The following RAB11FIP2 variants were observed in gnomAD, a reference collection of about 807,000 sequenced individuals.
RAB11FIP2 encodes the protein RAB11 family interacting protein 2.
Under a neutral mutation model 40.9 loss-of-function variants are expected in RAB11FIP2, and 16 were observed. The ratio of observed to expected loss-of-function variants is 0.39; its 90% CI spans 0.26 to 0.59. RAB11FIP2 has a LOEUF of 0.59. RAB11FIP2 is among the 20% of genes least tolerant of loss of function. The pLI, the probability that RAB11FIP2 is intolerant of heterozygous loss-of-function variation, is 0.53. For synonymous variants in RAB11FIP2, 228 were observed against 213.7 expected (o/e 1.07, Z -0.58); for missense variants, 532 against 606.2 (o/e 0.88, Z 1.28).
Position 118,008,962 on chromosome 10 carries a change from C to A in RAB11FIP2, c.*36G>T, listed in dbSNP as rs1285781196. Reference sequence around the variant, plus strand: ...CTTCCTTCCTTCTTTCTTTCTCTCTCTTTGTCCAATTATCAATACAATACA... The same window carrying A: ...CTTCCTTCCTTCTTTCTTTCTCTCTATTTGTCCAATTATCAATACAATACA... On this transcript the variant is annotated 3_prime_UTR_variant, in exon 5 of 5. Coordinates refer to ENST00000355624, the MANE Select transcript of RAB11FIP2 (RefSeq NM_014904.3). 2.6e-6 allele frequency: 4 copies of A among 1,512,706 alleles called. No individual in the cohort carries two copies. Among genetic ancestry groups the A allele is most frequent in the Non-Finnish European group, 3.7e-6 (4 of 1,092,454 alleles). The allele number at this position is 1,512,706 out of a possible 1,614,324, so 93.7% of individuals were successfully genotyped here. A position where few individuals can be genotyped will look rare whatever the true frequency, so the allele number is the denominator to read the frequency against.
chr10:118,033,057 T>C (rs1452967451), intron 3 of RAB11FIP2, among the ~76,000 whole-genome samples: 3 of 152,052 alleles, frequency 2.0e-5, no homozygotes, highest in African/African-American at 4.8e-5. Flanking sequence ...TTAAACTTTA[T>C]CATAGGTATA....
At chr10:118,039,673 A>T in intron 2 of RAB11FIP2, 1 of 487,966 alleles carries the variant, frequency 2.0e-6, no homozygotes, top group Admixed American at 3.8e-5. Context: ...TTCAGCTCAC[A>T]ATCATATAAA....
intron 1 of RAB11FIP2, 63 bp downstream of exon 1, chr10:118,045,748 G>A: frequency 7.4e-7 from 1 of 1,345,412 alleles, no homozygotes; most frequent in Admixed American, 2.4e-5. Flanking sequence ...TAATTTCCAA[G>A]AACAGAAAAA....
Position 118,040,575 on chromosome 10 carries a change from A to G in RAB11FIP2, c.354-10T>C, listed in dbSNP as rs576241570. The stretch of plus-strand genomic sequence containing the variant: ...TTCTAATCTAAACCACCTTAAAGAG[A>G]AGAAAAAAAAATTGGCTGTAACACA... On this transcript the variant is annotated splice_polypyrimidine_tract_variant and intron_variant, in intron 1 of 4. Coordinates refer to ENST00000355624, the MANE Select transcript of RAB11FIP2 (RefSeq NM_014904.3). 1.9e-6 allele frequency: 3 copies of G among 1,556,260 alleles called. No homozygotes were observed. The Admixed American group carries it at 6.0e-5, about 31-fold the overall frequency.
chr10:118,016,467 C>T (rs1422857275), intron 3 of RAB11FIP2, among the ~76,000 whole-genome samples: 1 of 152,122 alleles, frequency 6.6e-6, no homozygotes, highest in Admixed American at 6.5e-5. Context: ...ATCCAAAAAG[C>T]ATTCTCACAT....
rs2133181875 is a variant in RAB11FIP2 at position 118,039,308 on chromosome 10, G to A, written c.929C>T (p.Ser310Leu). Reference protein sequence around the residue: ...QNDPFTNVTASLPQKFATLPR... With the variant: ...QNDPFTNVTALLPQKFATLPR... ...CAGTGTTGCAAATTTTTGGGGTAAT[G>A]AAGCAGTCACATTTGTAAATGGGTC... The change falls in exon 3 of 5, where the codon TCA becomes TTA. Residue 310 changes from serine to leucine, a missense_variant. Physicochemically the swap from Ser to Leu is moderately radical, Grantham distance 145. Coordinates refer to ENST00000355624, the MANE Select transcript of RAB11FIP2 (RefSeq NM_014904.3). 6.2e-7 allele frequency: 1 copy of A among 1,613,694 alleles called. No homozygotes were observed. The highest frequency in any genetic ancestry group is 2.2e-5 in the East Asian group (1 of 44,864).
chr10:118,038,619 T>C (rs1193237036), intron 3 of RAB11FIP2, among the ~76,000 whole-genome samples: 1 of 152,064 alleles, frequency 6.6e-6, no homozygotes, highest in Non-Finnish European at 1.5e-5. Flanking sequence ...AACGAATCCC[T>C]AGAAACATTA....
rs1846257637 is a variant in RAB11FIP2, at chr10:118,019,424, T to C, written c.1266-4314A>G. On this transcript the variant is annotated intron_variant, in intron 3 of 4. Transcript: ENST00000355624. ...TCTCAAACGCCAGTCAACTCCTTAT[T>C]GTGTATGGCAAATAAGTATAACTTC... Among the ~76,000 whole-genome samples, 3 of 152,112 alleles carry C rather than the reference T, an allele frequency of 2.0e-5. No individual in the cohort carries two copies. The South Asian group carries it at 6.2e-4, about 31-fold the overall frequency.
intron 3 of RAB11FIP2, among the ~76,000 whole-genome samples, chr10:118,029,923 G>T (rs867168658): frequency 2.0e-5 from 3 of 152,270 alleles, no homozygotes; most frequent in Middle Eastern, 6.8e-3. Context: ...ATAGGGGCAT[G>T]ACTGGAGGAA....
At chr10:118,015,631 C>T (rs150875998) in intron 3 of RAB11FIP2, among the ~76,000 whole-genome samples, 28 of 152,268 alleles carry the variant, frequency 1.8e-4, no homozygotes, top group South Asian at 6.2e-4. Context: ...ACATTTCTCT[C>T]GTTAATGTGA....
At position 118,009,245 on chromosome 10, in the gene RAB11FIP2, GT is replaced by G. The variant is rs1489226333; in HGVS notation, c.1312-21del. ...GCTGTCCTAGAACAGGATAAAGACT[GT>G]CACTTTCATAGATATAACATCTGGG... On this transcript the variant is annotated intron_variant, in intron 4 of 4. Transcript: ENST00000355624. The G allele has an allele frequency of 6.4e-7, 1 of 1,574,200 alleles. No homozygotes were observed. The highest frequency in any genetic ancestry group is 1.7e-5 in the Admixed American group (1 of 58,388).
chr10:118,046,895 C>T lies in RAB11FIP2; in HGVS notation c.-732G>A, dbSNP rs570595079. 2.4e-3 allele frequency: 363 copies of T among 153,460 alleles called. No homozygotes were observed. The highest frequency in any genetic ancestry group is 9.5e-3 in the Admixed American group (145 of 15,290). 9.5% of individuals were successfully genotyped at this position (153,460 alleles called of 1,614,324 possible). A position where few individuals can be genotyped will look rare whatever the true frequency, so the allele number is the denominator to read the frequency against. ...GCTCCTAACACCGGGCGGGCGGCTG[C>T]GGCGGCACTTCCGGGTTGGCCTTCT... On this transcript the variant is annotated 5_prime_UTR_variant, in exon 1 of 5. Coordinates refer to ENST00000355624, the MANE Select transcript of RAB11FIP2 (RefSeq NM_014904.3).
intron 3 of RAB11FIP2, among the ~76,000 whole-genome samples, chr10:118,024,430 C>T (rs1846318733): frequency 1.3e-5 from 2 of 151,572 alleles, no homozygotes; most frequent in South Asian, 2.1e-4. Context: ...TGAGTAGACC[C>T]TTGCCCGCCA....
chr10:118,045,359 A>G (rs1300949926), intron 1 of RAB11FIP2: 1 of 158,530 alleles, frequency 6.3e-6, no homozygotes, highest in African/African-American at 2.4e-5. Context: ...GAAACGAAAT[A>G]CTGAGTTCTA....
chr10:118,008,945 C>A lies in RAB11FIP2; in HGVS notation c.*53G>T. On this transcript the variant is annotated 3_prime_UTR_variant, in exon 5 of 5. Coordinates refer to ENST00000355624, the MANE Select transcript of RAB11FIP2 (RefSeq NM_014904.3). The stretch of plus-strand genomic sequence containing the variant: ...TCAGTAACAAGTTTTTCCTTCCTTC[C>A]TTCTTTCTTTCTCTCTCTTTGTCCA... The A allele has an allele frequency of 6.9e-7, 1 of 1,440,288 alleles. No individual in the cohort carries two copies. The highest frequency in any genetic ancestry group is 9.7e-7 in the Non-Finnish European group (1 of 1,035,196). 89.2% of individuals were successfully genotyped at this position (1,440,288 alleles called of 1,614,324 possible). A position where few individuals can be genotyped will look rare whatever the true frequency, so the allele number is the denominator to read the frequency against.
chr10:118,039,641 T>C (rs572665719), intron 2 of RAB11FIP2: 8 of 574,794 alleles, frequency 1.4e-5, no homozygotes, highest in South Asian at 8.9e-5. Flanking sequence ...AACTAGCATA[T>C]TGCTAGACCA....
intron 3 of RAB11FIP2, among the ~76,000 whole-genome samples, chr10:118,034,558 A>T (rs1329167107): frequency 6.6e-6 from 1 of 152,160 alleles, no homozygotes; most frequent in African/African-American, 2.4e-5. Context: ...GTTTTTGGCA[A>T]ATGATATACT....
chr10:118,044,650 G>A (rs1846603333), intron 1 of RAB11FIP2, among the ~76,000 whole-genome samples: 1 of 151,674 alleles, frequency 6.6e-6, no homozygotes, highest in Non-Finnish European at 1.5e-5. Flanking sequence ...TAAATCTTAG[G>A]TTAAGACCTG....
chr10:118,021,898 A>G (rs922366560), intron 3 of RAB11FIP2, among the ~76,000 whole-genome samples: 2 of 152,198 alleles, frequency 1.3e-5, no homozygotes, highest in Non-Finnish European at 1.5e-5. Flanking sequence ...CGGAGATTTC[A>G]TATTCTCTCA....
Sources: allele counts gnomAD v4.1 joint callset (sites outside exome capture counted in the v4.1 genomes callset), GRCh38; gene constraint gnomAD v4.1.1; transcripts MANE v1.5; gene names NCBI Gene and HGNC (gene_info 2026-07-23, HGNC 2026-07-21).